Variants in ANKRD6 observed in about 807,000 individuals in gnomAD.
ANKRD6 encodes ankyrin repeat domain-containing protein 6.
ANKRD6 carries 56 observed loss-of-function variants against 82.3 expected under a neutral mutation model. The observed-to-expected ratio is 0.68, with a 90% CI of 0.55 to 0.85. The LOEUF (loss-of-function observed/expected upper bound fraction) is 0.85. Ranked by LOEUF, ANKRD6 falls within the 40% of genes least tolerant of loss-of-function variation. The pLI, the probability that ANKRD6 is intolerant of heterozygous loss-of-function variation, is 0.00. For missense variants in ANKRD6, 852 were observed against 907.6 expected (o/e 0.94, Z 0.79); for synonymous variants, 347 against 352.1 (o/e 0.99, Z 0.16).
At chr6:89,438,098 T>C (rs937358612) in intron 1 of ANKRD6, among the ~76,000 whole-genome samples, 11 of 152,252 alleles carry the variant, frequency 7.2e-5, no homozygotes, top group Admixed American at 5.2e-4. Context: ...TCCTCAATAG[T>C]TGCATTTATC....
In ANKRD6 at chr6:89,624,034, G is replaced by C; in HGVS notation, c.1195G>C (p.Gly399Arg). The C allele has an allele frequency of 6.2e-7, 1 of 1,611,526 alleles. No individual in the cohort carries two copies. Among genetic ancestry groups the C allele is most frequent in the South Asian group, 1.1e-5 (1 of 90,706 alleles). The change falls in exon 12 of 16, where the codon GGC becomes CGC. Residue 399 changes from glycine (G) to arginine (R), a missense_variant. Transcript: ENST00000339746. Reference protein sequence around the residue: ...RAYQLYTLYRGKDGKVMQAPI... With the variant: ...RAYQLYTLYRRKDGKVMQAPI... ...GTATCAGCTCTACACATTGTACCGGGGCAAGGATGGGAAAGTGATGCAGGT... is the reference window on the plus strand; with the variant it reads ...GTATCAGCTCTACACATTGTACCGGCGCAAGGATGGGAAAGTGATGCAGGT...
intron 9 of ANKRD6, chr6:89,620,314 A>C (rs1171819878): frequency 6.6e-6 from 1 of 152,144 alleles, no homozygotes; most frequent in East Asian, 1.9e-4. Flanking sequence ...AATGGAGGGA[A>C]TTTTGCTGAT....
At chr6:89,544,205 C>T (rs573532560) in intron 1 of ANKRD6, among the ~76,000 whole-genome samples, 16 of 151,804 alleles carry the variant, frequency 1.1e-4, no homozygotes, top group Non-Finnish European at 2.2e-4. Context: ...TCTGCCAAGG[C>T]AGTACCAGCA....
chr6:89,458,672 T>G (rs1299660963), intron 1 of ANKRD6, among the ~76,000 whole-genome samples: 1 of 152,222 alleles, frequency 6.6e-6, no homozygotes, highest in African/African-American at 2.4e-5. Context: ...CTAGCTGAGC[T>G]GGCAGCTAAT....
chr6:89,459,125 C>T (rs1248038559), intron 1 of ANKRD6, among the ~76,000 whole-genome samples: 1 of 152,122 alleles, frequency 6.6e-6, no homozygotes, highest in Non-Finnish European at 1.5e-5. Context: ...GTTGCCCAGG[C>T]TGGAGTGCAA....
intron 1 of ANKRD6, among the ~76,000 whole-genome samples, chr6:89,483,918 C>T (rs896679677): frequency 4.6e-5 from 7 of 152,158 alleles, no homozygotes; most frequent in Non-Finnish European, 5.9e-5. Context: ...CTCTCTCTCT[C>T]TCTCTAACCT....
chr6:89,506,644 A>G (rs1010685581), intron 1 of ANKRD6, among the ~76,000 whole-genome samples: 2 of 152,220 alleles, frequency 1.3e-5, no homozygotes, highest in African/African-American at 4.8e-5. Context: ...TTTGTCAGTT[A>G]TACCTCAACG....
intron 5 of ANKRD6, among the ~76,000 whole-genome samples, chr6:89,607,464 A>G (rs1422647004): frequency 6.6e-6 from 1 of 152,184 alleles, no homozygotes; most frequent in African/African-American, 2.4e-5. Context: ...GAGATATAAG[A>G]TCATATATAG....
At chr6:89,501,941 G>T (rs1455375355) in intron 1 of ANKRD6, among the ~76,000 whole-genome samples, 1 of 152,146 alleles carries the variant, frequency 6.6e-6, no homozygotes, top group Non-Finnish European at 1.5e-5. Flanking sequence ...CTTTTAATGG[G>T]TCTGGTTTGT....
chr6:89,511,453 G>C (rs1382419644), intron 1 of ANKRD6, among the ~76,000 whole-genome samples: 4 of 152,206 alleles, frequency 2.6e-5, no homozygotes, highest in Non-Finnish European at 5.9e-5. Flanking sequence ...AAGACTACAA[G>C]GAGGCAAGAG....
intron 1 of ANKRD6, among the ~76,000 whole-genome samples, chr6:89,551,654 C>G (rs997737714): frequency 1.3e-5 from 2 of 152,198 alleles, no homozygotes; most frequent in African/African-American, 4.8e-5. Context: ...AAGCCTTTTG[C>G]TATGAGATCA....
rs1006534167 is a variant in ANKRD6 at position 89,624,024 on chromosome 6, A to G, written c.1185A>G (p.Thr395=). The G allele has an allele frequency of 3.1e-6, 5 of 1,607,596 alleles. No homozygotes were observed. Among genetic ancestry groups the G allele is most frequent in the Non-Finnish European group, 1.7e-6 (2 of 1,177,698 alleles). The change falls in exon 12 of 16, where the codon ACA becomes ACG. Residue 395 remains threonine (T), a synonymous_variant. Coordinates refer to ENST00000339746, the MANE Select transcript of ANKRD6 (RefSeq NM_001242809.2). ...AGTTCAGGGCGTATCAGCTCTACAC[A>G]TTGTACCGGGGCAAGGATGGGAAAG... ...PHEFRAYQLY[T]LYRGKDGKVM... is the part of the protein sequence containing the mutation.
chr6:89,510,216 A>G (rs1780366320), intron 1 of ANKRD6, among the ~76,000 whole-genome samples: 1 of 152,244 alleles, frequency 6.6e-6, no homozygotes, highest in Non-Finnish European at 1.5e-5. Context: ...TGGGTGTAGC[A>G]TAAATGCAAA....
At chr6:89,597,552 T>A (rs1230854822) in intron 3 of ANKRD6, among the ~76,000 whole-genome samples, 1 of 152,222 alleles carries the variant, frequency 6.6e-6, no homozygotes, top group African/African-American at 2.4e-5. Context: ...TGTGTTCTCA[T>A]GCAGCAAAAG....
At chr6:89,567,681 G>A (rs374670153) in intron 2 of ANKRD6, among the ~76,000 whole-genome samples, 12 of 152,360 alleles carry the variant, frequency 7.9e-5, no homozygotes, top group East Asian at 1.9e-4. Context: ...GGCAGGCTCC[G>A]CGCAGCTAGA....
In ANKRD6 at chr6:89,630,553, TGTC is replaced by T. The variant is rs1280349703; in HGVS notation, c.1737_1739del (p.Ser581del). On this transcript the variant is annotated inframe_deletion, in exon 16 of 16. Coordinates refer to ENST00000339746, the MANE Select transcript of ANKRD6 (RefSeq NM_001242809.2). ...GCTACCCAGAGACTCCAGCAGGAGC[TGTC>T]GTCTTCTGACTGTACAGGCTCCCGA... 1.1e-5 allele frequency: 18 copies of T among 1,613,850 alleles called. 1 individual carries two copies. The highest frequency in any genetic ancestry group is 8.5e-7 in the Non-Finnish European group (1 of 1,179,846).
At chr6:89,629,757 A>G (rs1206282672) in intron 15 of ANKRD6, among the ~76,000 whole-genome samples, 2 of 152,248 alleles carry the variant, frequency 1.3e-5, no homozygotes, top group African/African-American at 4.8e-5. Context: ...ATACTCAATA[A>G]TGACAATTTT....
intron 2 of ANKRD6, among the ~76,000 whole-genome samples, chr6:89,579,310 CAT>C (rs149860464): frequency 9.2e-5 from 14 of 152,322 alleles, no homozygotes; most frequent in African/African-American, 3.4e-4. Flanking sequence ...GTGCTTAGCA[CAT>C]AGTCAGTGTC....
intron 1 of ANKRD6, among the ~76,000 whole-genome samples, chr6:89,516,043 C>G (rs1781172831): frequency 6.6e-6 from 1 of 152,220 alleles, no homozygotes; most frequent in South Asian, 2.1e-4. Flanking sequence ...AACTGGACTT[C>G]AGACTTTTGG....
Sources: gnomAD v4.1 joint callset for allele counts (sites outside exome capture counted in the v4.1 genomes callset) on GRCh38, gnomAD v4.1.1 for gene constraint, MANE v1.5 for transcripts, NCBI Gene and HGNC (gene_info 2026-07-23, HGNC 2026-07-21) for gene names.